Variants in ARFGEF2 observed in about 807,000 individuals in gnomAD.
ARFGEF2 encodes brefeldin A-inhibited guanine nucleotide-exchange protein 2.
A neutral mutation model predicts 219.9 loss-of-function variants in ARFGEF2; 74 were observed. The observed-to-expected ratio is 0.34, with a 90% CI of 0.28 to 0.41. The LOEUF (loss-of-function observed/expected upper bound fraction) is 0.41, where lower values mean the gene tolerates loss of function less well. ARFGEF2 is among the 10% of genes least tolerant of loss of function. The pLI is 1.00. For synonymous variants in ARFGEF2, 733 were observed against 799.2 expected, an observed-to-expected ratio of 0.92 and a Z score of 1.40; for missense variants, 1,743 against 2,218.3, an observed-to-expected ratio of 0.79 and a Z score of 4.30.
At chr20:49,028,789 T>C in intron 37 of ARFGEF2, 121 bp downstream of exon 37, 1 of 1,126,690 alleles carries the variant, frequency 8.9e-7, no homozygotes, top group Non-Finnish European at 1.3e-6. Context: ...AATTTTTTTT[T>C]CTTTCTATTT....
Position 49,036,231 on chromosome 20 carries a change from A to G in ARFGEF2, c.*3032A>G. On this transcript the variant is annotated 3_prime_UTR_variant, in exon 39 of 39. Transcript: ENST00000371917. ...GTAGACATAGCTGAACTCACATGGA[A>G]TCCTGGAGTTTTGTTATCAGCAGCT... 1 of 398,342 alleles carries G rather than the reference A, an allele frequency of 2.5e-6. No homozygotes were observed. The highest frequency in any genetic ancestry group is 4.4e-6 in the Non-Finnish European group (1 of 225,926). The allele number at this position is 398,342 out of a possible 1,614,324, so 24.7% of individuals were successfully genotyped here. A position where few individuals can be genotyped will look rare whatever the true frequency, so the allele number is the denominator to read the frequency against.
At chr20:48,986,707 CTA>C (rs2091328316) in intron 16 of ARFGEF2, among the ~76,000 whole-genome samples, 1 of 151,986 alleles carries the variant, frequency 6.6e-6, no homozygotes, top group Non-Finnish European at 1.5e-5. Flanking sequence ...TCAGTGGAAA[CTA>C]TTTTTTTTGA....
In ARFGEF2 at chr20:49,033,023, T is replaced by C. The variant is rs1490090353; in HGVS notation, c.5182T>C (p.Phe1728Leu). 6.2e-7 allele frequency: 1 copy of C among 1,614,112 alleles called. No homozygotes were observed. Among genetic ancestry groups the C allele is most frequent in the Non-Finnish European group, 8.5e-7 (1 of 1,179,992 alleles). The change falls in exon 39 of 39, where the codon TTC (phenylalanine) becomes CTC (leucine). Residue 1728 changes from phenylalanine to leucine, a missense_variant and splice_region_variant. Phe to Leu is a conservative substitution (Grantham distance 22). Around this residue, in one of 5 missense-constraint regions of ARFGEF2, gnomAD observed 578 missense variants for 664.0 expected, o/e 0.87. Coordinates refer to ENST00000371917, the MANE Select transcript of ARFGEF2 (RefSeq NM_006420.3). The part of the protein sequence containing the change: ...TKTLKINDEK[F>L]KAHASMYYPY... ...TTATCTGTTTCTCTCCCACCTCAAG[T>C]TCAAAGCACATGCTTCAATGTACTA...
chr20:48,963,174 T>TCAAAAAAAAAAAAAAAAAAAAA (rs2091164623), intron 6 of ARFGEF2, among the ~76,000 whole-genome samples: 1 of 66,110 alleles, frequency 1.5e-5, no homozygotes, highest in Non-Finnish European at 3.1e-5. Flanking sequence ...AAACTCTGTC[T>TCAAAAAAAAAAAAAAAAAAAAA]CAAAAAAAAA....
intron 16 of ARFGEF2, 73 bp downstream of exon 16, chr20:48,985,686 G>A: frequency 1.3e-6 from 2 of 1,504,584 alleles, no homozygotes; most frequent in Non-Finnish European, 1.8e-6. Flanking sequence ...AATTTGGTTG[G>A]GGTTTAATCT....
At chr20:48,939,625 C>T (rs1324738439) in intron 1 of ARFGEF2, among the ~76,000 whole-genome samples, 1 of 152,154 alleles carries the variant, frequency 6.6e-6, no homozygotes, top group Non-Finnish European at 1.5e-5. Context: ...AGATCCATGC[C>T]ACACAGCTCT....
intron 37 of ARFGEF2, among the ~76,000 whole-genome samples, chr20:49,029,825 T>A (rs1160587014): frequency 6.6e-6 from 1 of 151,752 alleles, no homozygotes; most frequent in Non-Finnish European, 1.5e-5. Flanking sequence ...ACTCCTGACC[T>A]CAGGTGATCT....
At chr20:48,937,661 G>A (rs182657656) in intron 1 of ARFGEF2, among the ~76,000 whole-genome samples, 171 of 152,310 alleles carry the variant, frequency 1.1e-3, no homozygotes, top group African/African-American at 3.9e-3. Flanking sequence ...TGTGAACATA[G>A]GATTTGCAAC....
chr20:49,008,674 C>G (rs2091477808), intron 26 of ARFGEF2, among the ~76,000 whole-genome samples: 1 of 150,022 alleles, frequency 6.7e-6, no homozygotes, highest in African/African-American at 2.5e-5. Context: ...AAACGTGTAT[C>G]TCTCCATATG....
At chr20:48,922,346 G>T (rs1313711683) in intron 1 of ARFGEF2, among the ~76,000 whole-genome samples, 1 of 152,124 alleles carries the variant, frequency 6.6e-6, no homozygotes, top group East Asian at 1.9e-4. Context: ...AAGTTTTTTC[G>T]TTACCTGAGC....
intron 6 of ARFGEF2, among the ~76,000 whole-genome samples, chr20:48,956,975 C>T (rs1282458661): frequency 6.6e-6 from 1 of 152,210 alleles, no homozygotes; most frequent in African/African-American, 2.4e-5. Context: ...TCTTACCGCC[C>T]CACCATCCCC....
intron 3 of ARFGEF2, among the ~76,000 whole-genome samples, chr20:48,945,256 A>G (rs375767476): frequency 6.6e-6 from 1 of 152,198 alleles, no homozygotes; most frequent in Non-Finnish European, 1.5e-5. Flanking sequence ...AGCAACAGCT[A>G]TGCCCATTCG....
At chr20:49,017,449 G>A (rs553173623) in intron 32 of ARFGEF2, 47 bp from the exon 33 acceptor site, 3 of 1,612,656 alleles carry the variant, frequency 1.9e-6, no homozygotes, top group Non-Finnish European at 1.7e-6. Flanking sequence ...TAAAGCTCCT[G>A]ATTGCCTTTC....
chr20:48,944,533 C>T (rs772487206), intron 3 of ARFGEF2, among the ~76,000 whole-genome samples: 2 of 152,168 alleles, frequency 1.3e-5, no homozygotes, highest in Non-Finnish European at 2.9e-5. Context: ...TGGCTCACTG[C>T]AAAGTCAAGT....
chr20:48,972,466 G>A (rs2091234438), intron 11 of ARFGEF2, 41 bp downstream of exon 11: 1 of 1,437,604 alleles, frequency 7.0e-7, no homozygotes, highest in African/African-American at 1.4e-5. Flanking sequence ...GACTTCTGAT[G>A]CTTTAATTTG....
At chr20:48,988,784 T>C in intron 18 of ARFGEF2, 122 bp downstream of exon 18, 2 of 905,310 alleles carry the variant, frequency 2.2e-6, no homozygotes, top group East Asian at 5.1e-5. Context: ...GGAAATGTGA[T>C]TGAATTAATT....
chr20:48,995,842 G>T lies in ARFGEF2; in HGVS notation c.3181G>T (p.Gly1061Cys). 6.2e-7 allele frequency: 1 copy of T among 1,614,190 alleles called. No homozygotes were observed. Among genetic ancestry groups the T allele is most frequent in the South Asian group, 1.1e-5 (1 of 91,084 alleles). Reference protein sequence around the residue: ...RQMASFQESVGETSSQSVVVA... With the variant: ...RQMASFQESVCETSSQSVVVA... ...GATGGCCAGCTTCCAAGAATCGGTT[G>T]GTGAGACCAGCTCGCAGAGTGTGGT... Residue 1061 changes from glycine (G) to cysteine (C), a missense_variant, in exon 23 of 39, where the codon GGT (glycine) becomes TGT (cysteine). Gly to Cys is a radical substitution (Grantham distance 159, BLOSUM62 -3). Around this residue, in one of 5 missense-constraint regions of ARFGEF2, gnomAD observed 666 missense variants for 955.4 expected, o/e 0.70. Transcript: ENST00000371917.
chr20:48,997,059 G>A (rs971652448), intron 23 of ARFGEF2, among the ~76,000 whole-genome samples: 4 of 151,454 alleles, frequency 2.6e-5, no homozygotes, highest in Admixed American at 6.6e-5. Flanking sequence ...TATTAACCAC[G>A]TAGTTTCCTT....
intron 21 of ARFGEF2, 28 bp from the exon 22 acceptor site, chr20:48,994,423 T>C (rs1225780597): frequency 6.2e-7 from 1 of 1,613,504 alleles, no homozygotes; most frequent in Non-Finnish European, 8.5e-7. Flanking sequence ...AGGTAGGAAC[T>C]CATTTCTTCA....
Sources: gnomAD v4.1 joint callset for allele counts (sites outside exome capture counted in the v4.1 genomes callset) on GRCh38, gnomAD v4.1.1 for gene constraint, gnomAD v4.1.1 regional missense constraint, MANE v1.5 for transcripts, NCBI Gene and HGNC (gene_info 2026-07-23, HGNC 2026-07-21) for gene names.